The following ZFR variants were observed in gnomAD, a reference collection of about 807,000 sequenced individuals.
The protein encoded by ZFR is zinc finger RNA-binding protein.
In ZFR, 19 loss-of-function variants were observed where a neutral mutation model predicts 130.7. The ratio of observed to expected loss-of-function variants is 0.15; its 90% confidence interval spans 0.10 to 0.21. ZFR has a LOEUF of 0.21. Among genes scored for constraint, ZFR ranks in the 10% least tolerant of loss-of-function variants. The pLI, the probability that ZFR is intolerant of heterozygous loss-of-function variation, is 1.00. For synonymous variants in ZFR, 466 were observed against 456.9 expected (o/e 1.02, Z -0.25); for missense variants, 872 against 1,321.5 (o/e 0.66, Z 5.27).
intron 19 of ZFR, among the ~76,000 whole-genome samples, chr5:32,360,430 G>T (rs1404945825): frequency 6.6e-6 from 1 of 152,072 alleles, no homozygotes; most frequent in African/African-American, 2.4e-5. Context: ...TGCCTATTAT[G>T]AATATTTCAT....
At chr5:32,370,895 C>T (rs1752657057) in intron 17 of ZFR, among the ~76,000 whole-genome samples, 1 of 152,118 alleles carries the variant, frequency 6.6e-6, no homozygotes, top group Admixed American at 6.5e-5. Flanking sequence ...AAGGAAAGGC[C>T]ACAAAAGCAG....
chr5:32,435,953 G>A (rs1038849189), intron 2 of ZFR, among the ~76,000 whole-genome samples: 1 of 151,786 alleles, frequency 6.6e-6, no homozygotes, highest in Non-Finnish European at 1.5e-5. Flanking sequence ...TCCTTATAAA[G>A]GCTACTCATT....
At chr5:32,399,706 T>C (rs552402928) in intron 9 of ZFR, among the ~76,000 whole-genome samples, 1 of 152,330 alleles carries the variant, frequency 6.6e-6, no homozygotes, top group African/African-American at 2.4e-5. Flanking sequence ...TTTAAAGTTT[T>C]ATGATAGTTG....
Position 32,388,538 on chromosome 5 carries a change from T to A in ZFR, c.2279A>T (p.Asp760Val). 6.2e-7 allele frequency: 1 copy of A among 1,614,080 alleles called. No individual in the cohort carries two copies. Among genetic ancestry groups the A allele is most frequent in the Non-Finnish European group, 8.5e-7 (1 of 1,179,956 alleles). Reference sequence around the variant, plus strand: ...GTTCTTCTCATGTTCAGACAAACTGTCTGAAACGAGTTTTAAAGCACGTTC... The same window carrying A: ...GTTCTTCTCATGTTCAGACAAACTGACTGAAACGAGTTTTAAAGCACGTTC... The part of the protein sequence containing the change: ...ITERALKLVS[D>V]SLSEHEKNKN... Residue 760 changes from aspartate (D) to valine (V), a missense_variant, in exon 13 of 20, where the codon GAC (aspartate) becomes GTC (valine). By Grantham distance (152) the Asp-to-Val change is radical. Transcript: ENST00000265069.
intron 4 of ZFR, among the ~76,000 whole-genome samples, chr5:32,416,614 C>A (rs201583426): frequency 2.0e-3 from 260 of 132,658 alleles, no homozygotes; most frequent in African/African-American, 2.6e-3. Flanking sequence ...AACTCCGTCT[C>A]AAAAAAAAAA....
At chr5:32,442,075 T>A (rs1260780840) in intron 2 of ZFR, among the ~76,000 whole-genome samples, 1 of 152,230 alleles carries the variant, frequency 6.6e-6, no homozygotes, top group East Asian at 1.9e-4. Context: ...CCTTTCTTCA[T>A]TTCTATCTGT....
At chr5:32,383,470 C>G (rs1347418419) in intron 15 of ZFR, among the ~76,000 whole-genome samples, 1 of 152,186 alleles carries the variant, frequency 6.6e-6, no homozygotes, top group African/African-American at 2.4e-5. Flanking sequence ...TAAATGTTTA[C>G]TTAATGTTTA....
intron 17 of ZFR, among the ~76,000 whole-genome samples, chr5:32,375,198 A>G (rs1442988500): frequency 6.6e-6 from 1 of 152,236 alleles, no homozygotes; most frequent in East Asian, 1.9e-4. Context: ...GTTGAAGGAG[A>G]AAAACTATAC....
chr5:32,419,609 A>T (rs1314875062), intron 3 of ZFR, among the ~76,000 whole-genome samples: 1 of 152,192 alleles, frequency 6.6e-6, no homozygotes, highest in Non-Finnish European at 1.5e-5. Flanking sequence ...AAGTGCTGGG[A>T]TTACAGGCAT....
At chr5:32,401,886 C>T (rs533650024) in intron 8 of ZFR, among the ~76,000 whole-genome samples, 365 of 152,268 alleles carry the variant, frequency 2.4e-3, no homozygotes, top group African/African-American at 6.8e-3. Flanking sequence ...ACTAGGTAAA[C>T]AGCTGGAGAA....
chr5:32,403,877 A>G (rs1391263546), intron 7 of ZFR, 29 bp downstream of exon 7: 1 of 1,545,220 alleles, frequency 6.5e-7, no homozygotes, highest in South Asian at 1.3e-5. Context: ...GAATCAAGGC[A>G]TAAGGGTGTG....
intron 2 of ZFR, among the ~76,000 whole-genome samples, chr5:32,427,136 G>C (rs181052240): frequency 1.3e-5 from 2 of 151,492 alleles, no homozygotes; most frequent in African/African-American, 2.4e-5. Context: ...TAAAAAACTC[G>C]GGCCAGGCAC....
intron 19 of ZFR, among the ~76,000 whole-genome samples, chr5:32,361,571 T>G (rs1752431371): frequency 6.6e-6 from 1 of 152,088 alleles, no homozygotes; most frequent in Admixed American, 6.6e-5. Flanking sequence ...TAATGAATAT[T>G]TATACATTTT....
At chr5:32,361,054 A>G (rs1228356516) in intron 19 of ZFR, among the ~76,000 whole-genome samples, 4 of 152,226 alleles carry the variant, frequency 2.6e-5, no homozygotes, top group Admixed American at 2.6e-4. Context: ...GGCTCAACCA[A>G]TCCTCTTGCC....
At chr5:32,372,699 G>A (rs532891499) in intron 17 of ZFR, among the ~76,000 whole-genome samples, 3 of 152,060 alleles carry the variant, frequency 2.0e-5, no homozygotes, top group South Asian at 4.2e-4. Context: ...CAGACATGGT[G>A]GCGCGCGCGC....
At position 32,388,667 on chromosome 5, in the gene ZFR, CG is replaced by C. The variant is rs1753093279; in HGVS notation, c.2149del (p.Arg717ValfsTer11). 1 of 1,611,782 alleles carries C rather than the reference CG, an allele frequency of 6.2e-7. No homozygotes were observed. Among genetic ancestry groups the C allele is most frequent in the Admixed American group, 1.7e-5 (1 of 59,774 alleles). On this transcript the variant is annotated frameshift_variant, in exon 13 of 20. Transcript: ENST00000265069. LOFTEE classifies it high-confidence loss of function. ...PPQPQGPAPL[R>X]RPDSSDDRYV... ...ACGGTCATCAGATGAGTCAGGACGACGTAAGGGCTACAGAGAAACAAAGTTG... is the reference window on the plus strand; with the variant it reads ...ACGGTCATCAGATGAGTCAGGACGACTAAGGGCTACAGAGAAACAAAGTTG...
Position 32,444,318 on chromosome 5 carries a change from C to T in ZFR, c.48G>A (p.Arg16=). Residue 16 remains arginine (R), a synonymous_variant, in exon 2 of 20, where the codon CGG becomes CGA. Coordinates refer to ENST00000265069, the MANE Select transcript of ZFR (RefSeq NM_016107.5). ...PVVSFTYVPS[R]LGEDAKMATG... ...TCGCCATTTTGGCATCTTCCCCCAG[C>T]CGGCTGGGCACTGCGGCGGGCACGA... 1 of 1,540,928 alleles carries T rather than the reference C, an allele frequency of 6.5e-7. No individual in the cohort carries two copies. The highest frequency in any genetic ancestry group is 1.2e-5 in the South Asian group (1 of 82,452).
At chr5:32,410,965 T>C (rs137901376) in intron 5 of ZFR, among the ~76,000 whole-genome samples, 54 of 152,376 alleles carry the variant, frequency 3.5e-4, no homozygotes, top group African/African-American at 1.2e-3. Context: ...TACAAATCTT[T>C]ACATGTAAGG....
intron 2 of ZFR, among the ~76,000 whole-genome samples, chr5:32,429,147 G>A (rs10461912): frequency 0.27 from 40,694 of 151,716 alleles, 6,403 homozygotes; most frequent in Middle Eastern, 0.44. Flanking sequence ...CACCACGCCC[G>A]GCTAATTTTT....
Sources: allele counts gnomAD v4.1 joint callset (sites outside exome capture counted in the v4.1 genomes callset), GRCh38; gene constraint gnomAD v4.1.1; transcripts MANE v1.5; gene names NCBI Gene and HGNC (gene_info 2026-07-23, HGNC 2026-07-21).